Variants in ATM observed in about 807,000 individuals in gnomAD.
ATM encodes ATM serine/threonine kinase.
In ATM, 308 loss-of-function variants were observed where a neutral mutation model predicts 387.0. The ratio of observed to expected loss-of-function variants is 0.80; its 90% CI spans 0.73 to 0.87. The LOEUF is 0.87. Ranked by LOEUF, ATM falls within the 40% of genes least tolerant of loss-of-function variation. The probability of loss-of-function intolerance (pLI) is 0.00; values close to 1 mark genes in which losing one functional copy is unlikely to be tolerated. For missense variants in ATM, 3,312 were observed against 3,560.9 expected (o/e 0.93, Z 1.78); for synonymous variants, 1,156 against 1,187.3 (o/e 0.97, Z 0.54).
chr11:108,283,497 A>G (rs1565445945), intron 25 of ATM, among the ~76,000 whole-genome samples: 1 of 152,208 alleles, frequency 6.6e-6, no homozygotes, highest in Non-Finnish European at 1.5e-5. Flanking sequence ...TGCATTTTAC[A>G]TGTAGTGTAT....
At chr11:108,326,426 C>G (rs2085692099) in intron 47 of ATM, among the ~76,000 whole-genome samples, 1 of 152,134 alleles carries the variant, frequency 6.6e-6, no homozygotes, top group Non-Finnish European at 1.5e-5. Flanking sequence ...TTCTATCAGT[C>G]CATCATGTGG....
intron 59 of ATM, among the ~76,000 whole-genome samples, chr11:108,348,958 G>C (rs189778511): frequency 6.6e-6 from 1 of 152,158 alleles, no homozygotes; most frequent in East Asian, 1.9e-4. Flanking sequence ...TCAGAATGTA[G>C]AAAAAGAAGT....
At chr11:108,299,541 C>T in intron 33 of ATM, 173 bp from the exon 34 acceptor site, 1 of 580,370 alleles carries the variant, frequency 1.7e-6, no homozygotes, top group East Asian at 3.3e-5. Context: ...AGGTGATCCG[C>T]CCGCCTCTGT....
intron 32 of ATM, 175 bp downstream of exon 32, chr11:108,295,234 G>T: frequency 1.4e-6 from 1 of 738,216 alleles, no homozygotes; most frequent in Non-Finnish European, 2.2e-6. Flanking sequence ...TTCTCACCCT[G>T]AACTCTTCCT....
chr11:108,357,143 G>A (rs2090062872), intron 61 of ATM, among the ~76,000 whole-genome samples: 1 of 152,228 alleles, frequency 6.6e-6, no homozygotes, highest in Non-Finnish European at 1.5e-5. Context: ...GAAGCGCAAG[G>A]GTCAGGGAGT....
chr11:108,299,673 T>C, intron 33 of ATM, 41 bp from the exon 34 acceptor site: 1 of 1,593,852 alleles, frequency 6.3e-7, no homozygotes, highest in African/African-American at 1.3e-5. Context: ...ATGTATGATC[T>C]CTTACCTATG....
chr11:108,292,054 C>T (rs965249654), intron 29 of ATM, among the ~76,000 whole-genome samples: 1 of 152,210 alleles, frequency 6.6e-6, no homozygotes, highest in African/African-American at 2.4e-5. Context: ...TTTCAAGCAA[C>T]ACCCATATCT....
chr11:108,282,253 G>A (rs2082272344), intron 24 of ATM, among the ~76,000 whole-genome samples: 1 of 151,458 alleles, frequency 6.6e-6, no homozygotes, highest in South Asian at 2.1e-4. Context: ...TCAGCCTCCC[G>A]AGTAGCTGGG....
In ATM at chr11:108,333,813, G is replaced by A. The variant is rs149047841; in HGVS notation, c.7928-73G>A. The A allele has an allele frequency of 1.2e-4, 150 of 1,205,870 alleles. No homozygotes were observed. The African/African-American group carries it at 1.8e-3, about 14-fold the overall frequency. The allele number at this position is 1,205,870 out of a possible 1,614,324, so 74.7% of individuals were successfully genotyped here. Reference sequence around the variant, plus strand: ...CAACAAGTTGGGGCCAGTGGTATCTGCTGACTATTCCTGCTTGACCTTCAA... The same window carrying A: ...CAACAAGTTGGGGCCAGTGGTATCTACTGACTATTCCTGCTTGACCTTCAA... On this transcript the variant is annotated intron_variant, in intron 53 of 62. Coordinates refer to ENST00000675843, the MANE Select transcript of ATM (RefSeq NM_000051.4).
chr11:108,255,817 A>G (rs2080439282), intron 13 of ATM, among the ~76,000 whole-genome samples: 1 of 152,228 alleles, frequency 6.6e-6, no homozygotes, highest in Non-Finnish European at 1.5e-5. Flanking sequence ...TATTCTTCAG[A>G]AGCTTAAAAT....
intron 42 of ATM, among the ~76,000 whole-genome samples, chr11:108,316,892 C>T (rs1175832874): frequency 6.6e-6 from 1 of 151,880 alleles, no homozygotes; most frequent in Admixed American, 6.6e-5. Flanking sequence ...CGCCACTGCA[C>T]TCCAGCCTGG....
Position 108,355,046 on chromosome 11 carries a change from C to A in ATM, c.8850+172C>A, listed in dbSNP as rs1195124811. The A allele has an allele frequency of 2.7e-5, 17 of 626,182 alleles. No individual in the cohort carries two copies. The Admixed American group carries it at 4.3e-4, about 16-fold the overall frequency. The allele number at this position is 626,182 out of a possible 1,614,324, so 38.8% of individuals were successfully genotyped here. On this transcript the variant is annotated intron_variant, in intron 61 of 62. Coordinates refer to ENST00000675843, the MANE Select transcript of ATM (RefSeq NM_000051.4). ...TAGCCTTTTCACACATCCAAAAATA[C>A]TGGTTTAGAAATGCCTTCAGCCCCC...
At chr11:108,355,207 G>A (rs1343840647) in intron 61 of ATM, 1 of 293,232 alleles carries the variant, frequency 3.4e-6, no homozygotes, top group Non-Finnish European at 6.5e-6. Context: ...AGAAAAATCA[G>A]AAATTTATAT....
At chr11:108,230,244 CGTCTCTACTAAAA>C (rs1565348734) in intron 4 of ATM, 1 of 152,030 alleles carries the variant, frequency 6.6e-6, no homozygotes, top group Non-Finnish European at 1.5e-5. Flanking sequence ...GGCAAAACCC[CGTCTCTACTAAAA>C]ATACAAAAAT....
intron 45 of ATM, among the ~76,000 whole-genome samples, chr11:108,322,343 G>A (rs991357580): frequency 6.6e-6 from 1 of 152,002 alleles, no homozygotes; most frequent in African/African-American, 2.4e-5. Flanking sequence ...TAATAGAGAC[G>A]GGGTTTCGCC....
chr11:108,246,938 T>C (rs759016154), intron 7 of ATM, 26 bp from the exon 8 acceptor site: 1 of 1,578,064 alleles, frequency 6.3e-7, no homozygotes, highest in Non-Finnish European at 8.7e-7. Flanking sequence ...TACATAAAAA[T>C]TACATTTTAA....
At position 108,227,738 on chromosome 11, in the gene ATM, T is replaced by G. The variant is rs1330850070; in HGVS notation, c.73-38T>G. ...ATTCAATTTTTCCTTGAAATAAGTG[T>G]GATTAGTAACCCATTATTATTTCCT... On this transcript the variant is annotated intron_variant, in intron 2 of 62. Transcript: ENST00000675843. 2.5e-6 allele frequency: 4 copies of G among 1,609,070 alleles called. No individual in the cohort carries two copies. The East Asian group carries it at 8.9e-5, about 36-fold the overall frequency.
chr11:108,307,332 T>C (rs1274347094), intron 37 of ATM, among the ~76,000 whole-genome samples: 1 of 152,026 alleles, frequency 6.6e-6, no homozygotes, highest in Non-Finnish European at 1.5e-5. Context: ...GTGTTTTTAA[T>C]AGAGATAGGG....
chr11:108,267,130 C>T (rs1461913562), intron 16 of ATM, 41 bp from the exon 17 acceptor site: 2 of 1,603,356 alleles, frequency 1.2e-6, no homozygotes, highest in Non-Finnish European at 1.7e-6. Context: ...CATGCTCCTG[C>T]AAGAAGCCAT....
Sources: allele counts gnomAD v4.1 joint callset (sites outside exome capture counted in the v4.1 genomes callset), GRCh38; gene constraint gnomAD v4.1.1; transcripts MANE v1.5; gene names NCBI Gene and HGNC (gene_info 2026-07-23, HGNC 2026-07-21).